The following RARB variants were observed in gnomAD, a reference collection of about 807,000 sequenced individuals.
RARB encodes the protein HBV-activated protein.
In RARB, 17 loss-of-function variants were observed where a neutral mutation model predicts 51.9. The ratio of observed to expected loss-of-function variants is 0.33; its 90% CI spans 0.22 to 0.49. RARB has a LOEUF of 0.49. Among genes scored for constraint, RARB ranks in the 20% least tolerant of loss-of-function variants. The pLI is 0.99. For missense variants in RARB, 369 were observed against 550.8 expected, an observed-to-expected ratio of 0.67 and a Z score of 3.30; for synonymous variants, 215 against 195.4, an observed-to-expected ratio of 1.10 and a Z score of -0.84.
intron 3 of RARB, among the ~76,000 whole-genome samples, chr3:25,560,196 A>C (rs914590248): frequency 2.0e-5 from 3 of 152,186 alleles, no homozygotes. Flanking sequence ...CATTTCCAGG[A>C]CCTCATTAAG....
chr3:25,555,769 G>C (rs892055017), intron 3 of RARB, among the ~76,000 whole-genome samples: 5 of 152,136 alleles, frequency 3.3e-5, no homozygotes, highest in African/African-American at 1.2e-4. Flanking sequence ...ATGGCCCCGG[G>C]GATGTTGGAG....
intron 5 of RARB, among the ~76,000 whole-genome samples, chr3:25,242,419 T>G (rs1361876418): frequency 6.6e-6 from 1 of 152,212 alleles, no homozygotes; most frequent in Non-Finnish European, 1.5e-5. Context: ...GGTTTTCTTC[T>G]AGGATTTTTA....
chr3:25,030,898 C>A (rs1432351596), intron 2 of RARB, among the ~76,000 whole-genome samples: 1 of 152,202 alleles, frequency 6.6e-6, no homozygotes, highest in African/African-American at 2.4e-5. Context: ...TTTTCCCTTT[C>A]AACAGGGGCA....
chr3:25,491,647 T>C (rs945572882), intron 2 of RARB, among the ~76,000 whole-genome samples: 1 of 152,142 alleles, frequency 6.6e-6, no homozygotes, highest in Non-Finnish European at 1.5e-5. Context: ...TATTCAAAAA[T>C]TATTTAGGGC....
At position 24,925,082 on chromosome 3, in the gene RARB, A is replaced by G. The variant is rs567297145; in HGVS notation, c.-380+66330A>G. ...ACGAAAGGCAAATCTTGGCATTCTC[A>G]TTTTTCTTTTCGCAGCCCTCTCATA... On this transcript the variant is annotated intron_variant, in intron 2 of 11. Coordinates refer to the RARB transcript ENST00000383772. 2.6e-5 allele frequency among the ~76,000 whole-genome samples: 4 copies of G among 152,074 alleles called. No individual in the cohort carries two copies. The East Asian group carries it at 5.8e-4, about 22-fold the overall frequency.
Position 25,391,553 on chromosome 3 carries a change from A to G in RARB, c.179-69640A>G, listed in dbSNP as rs181223532. On this transcript the variant is annotated intron_variant, in intron 5 of 11. Coordinates refer to the RARB transcript ENST00000383772. ...CCCTTTTTGCCACATCCATACCAGC[A>G]TCTACTATTTTTATGTTTTAATTAT... Among the ~76,000 whole-genome samples, 314 of 152,270 alleles carry G rather than the reference A, an allele frequency of 2.1e-3. 1 individual carries two copies. The highest frequency in any genetic ancestry group is 6.8e-3 in the Middle Eastern group (2 of 294).
At chr3:25,092,164 C>T (rs1174044483) in intron 3 of RARB, among the ~76,000 whole-genome samples, 2 of 152,078 alleles carry the variant, frequency 1.3e-5, no homozygotes, top group Admixed American at 6.6e-5. Flanking sequence ...AGAGAGGAGG[C>T]GGTCTTGTCT....
chr3:25,106,455 T>TGGTG (rs766938933), intron 3 of RARB, among the ~76,000 whole-genome samples: 2 of 86,966 alleles, frequency 2.3e-5, no homozygotes, highest in East Asian at 4.3e-4. Context: ...TTTTTTGTTT[T>TGGTG]TTGTTTTTTT....
intron 2 of RARB, among the ~76,000 whole-genome samples, chr3:25,479,967 A>G (rs1696147031): frequency 6.6e-6 from 1 of 152,230 alleles, no homozygotes; most frequent in African/African-American, 2.4e-5. Flanking sequence ...ATAATAATAA[A>G]TAAAAAACTT....
intron 5 of RARB, among the ~76,000 whole-genome samples, chr3:25,205,138 C>G (rs1023364577): frequency 1.3e-5 from 2 of 152,186 alleles, no homozygotes; most frequent in Admixed American, 6.5e-5. Flanking sequence ...GTGCCCCTCC[C>G]CCAGCCTCTC....
intron 5 of RARB, among the ~76,000 whole-genome samples, chr3:25,394,968 AT>A (rs1707076986): frequency 1.3e-5 from 2 of 151,652 alleles, no homozygotes; most frequent in African/African-American, 2.4e-5. Flanking sequence ...TACTTTCATT[AT>A]TTTTTTCCTT....
chr3:25,547,388 A>T (rs1699659621), intron 3 of RARB, among the ~76,000 whole-genome samples: 1 of 152,200 alleles, frequency 6.6e-6, no homozygotes, highest in South Asian at 2.1e-4. Context: ...AGACTAATGG[A>T]TGTCAAGTAC....
At chr3:25,108,306 G>A (rs1211512794) in intron 3 of RARB, among the ~76,000 whole-genome samples, 1 of 152,184 alleles carries the variant, frequency 6.6e-6, no homozygotes, top group African/African-American at 2.4e-5. Flanking sequence ...AATATGAAAT[G>A]GCTCAGTCAT....
rs552064799 is a variant in RARB, at chr3:25,026,666, T to C, written c.-379-33459T>C. Among the ~76,000 whole-genome samples the C allele has an allele frequency of 1.1e-3, 164 of 152,342 alleles. 1 individual carries two copies. Among genetic ancestry groups the C allele is most frequent in the African/African-American group, 3.9e-3 (161 of 41,588 alleles). On this transcript the variant is annotated intron_variant, in intron 2 of 11. Coordinates refer to the RARB transcript ENST00000383772. ...GGTTAGGGCTTTAACATATAAATTT[T>C]GGATGGAACACAATTTAGCCCATGA... is the stretch of plus-strand genomic sequence containing the variant.
chr3:25,586,080 T>C (rs1701372929), intron 5 of RARB, among the ~76,000 whole-genome samples: 1 of 152,128 alleles, frequency 6.6e-6, no homozygotes, highest in Non-Finnish European at 1.5e-5. Context: ...AGGGCGCCTC[T>C]CTCTGCTATA....
At chr3:25,537,181 A>G (rs1699175746) in intron 3 of RARB, among the ~76,000 whole-genome samples, 5 of 152,184 alleles carry the variant, frequency 3.3e-5, no homozygotes, top group Admixed American at 3.3e-4. Flanking sequence ...GGTTTGGCTT[A>G]GTGGAAGGGA....
chr3:24,904,553 C>T (rs1036737570), intron 2 of RARB, among the ~76,000 whole-genome samples: 1 of 152,178 alleles, frequency 6.6e-6, no homozygotes, highest in Non-Finnish European at 1.5e-5. Flanking sequence ...AAAGCTTTTA[C>T]ACTGTTGGTG....
chr3:24,980,862 T>C (rs1025218965), intron 2 of RARB, among the ~76,000 whole-genome samples: 1 of 152,226 alleles, frequency 6.6e-6, no homozygotes, highest in Non-Finnish European at 1.5e-5. Context: ...TTTTGGAATT[T>C]TCAGCCTTTC....
intron 5 of RARB, among the ~76,000 whole-genome samples, chr3:25,353,029 C>T (rs1705623945): frequency 6.6e-6 from 1 of 152,194 alleles, no homozygotes; most frequent in South Asian, 2.1e-4. Flanking sequence ...TTGTGCACCT[C>T]TTATGTGCCA....
Sources: allele counts gnomAD v4.1 joint callset (sites outside exome capture counted in the v4.1 genomes callset), GRCh38; gene constraint gnomAD v4.1.1; transcripts MANE v1.5; gene names NCBI Gene and HGNC (gene_info 2026-07-23, HGNC 2026-07-21).